The following CLDN10 variants were observed in gnomAD, a reference collection of about 807,000 sequenced individuals.
CLDN10 encodes claudin-10.
CLDN10 carries 15 observed loss-of-function variants against 22.9 expected under a neutral mutation model. That is an observed-to-expected ratio of 0.65 (90% confidence interval 0.44 to 1.01). The LOEUF is 1.01. CLDN10 is among the 50% of genes least tolerant of loss of function. CLDN10 has a pLI of 0.00. For synonymous variants in CLDN10, 114 were observed against 111.4 expected (o/e 1.02, Z -0.15); for missense variants, 247 against 287.8 (o/e 0.86, Z 1.03).
chr13:95,531,238 C>T (rs1345505740), intron 1 of CLDN10, among the ~76,000 whole-genome samples: 1 of 152,044 alleles, frequency 6.6e-6, no homozygotes, highest in African/African-American at 2.4e-5. Flanking sequence ...TCTTAAATAA[C>T]AAAATATGGT....
chr13:95,517,025 C>G (rs544927668), intron 1 of CLDN10, among the ~76,000 whole-genome samples: 1 of 138,924 alleles, frequency 7.2e-6, no homozygotes, highest in Non-Finnish European at 1.6e-5. Flanking sequence ...CTTCCTTCCT[C>G]CCTCCCTCTC....
At chr13:95,443,059 A>C (rs2042339842) in intron 1 of CLDN10, among the ~76,000 whole-genome samples, 1 of 152,208 alleles carries the variant, frequency 6.6e-6, no homozygotes, top group Admixed American at 6.5e-5. Context: ...CAGAAGACTG[A>C]TACTCTAAAG....
At chr13:95,545,699 C>T (rs1448852696) in intron 1 of CLDN10, among the ~76,000 whole-genome samples, 1 of 152,024 alleles carries the variant, frequency 6.6e-6, no homozygotes, top group Non-Finnish European at 1.5e-5. Flanking sequence ...TTTTTTATGG[C>T]TATTTAAAAA....
intron 1 of CLDN10, among the ~76,000 whole-genome samples, chr13:95,476,842 GCCAGGTCT>G (rs1053232391): frequency 2.6e-5 from 4 of 152,158 alleles, no homozygotes; most frequent in African/African-American, 9.7e-5. Context: ...TAGTGGCAGA[GCCAGGTCT>G]CCAAGTTCAG....
At chr13:95,548,554 T>C (rs906216041), upstream of CLDN10, among the ~76,000 whole-genome samples, 1 of 152,228 alleles carries the variant, frequency 6.6e-6, no homozygotes, top group African/African-American at 2.4e-5. Context: ...ATTCTGTAAC[T>C]ATTCCTATCA....
At chr13:95,562,490 T>C (rs2043728321) in intron 3 of CLDN10, among the ~76,000 whole-genome samples, 1 of 152,346 alleles carries the variant, frequency 6.6e-6, no homozygotes, top group Middle Eastern at 3.4e-3. Context: ...CTGCCTATAA[T>C]ACAAAAACAT....
intron 1 of CLDN10, among the ~76,000 whole-genome samples, chr13:95,446,901 G>A (rs2042386156): frequency 6.6e-6 from 1 of 152,020 alleles, no homozygotes; most frequent in Admixed American, 6.6e-5. Context: ...ATCTCTAATT[G>A]ATATCTGGAA....
At chr13:95,464,370 C>T (rs968490015) in intron 1 of CLDN10, among the ~76,000 whole-genome samples, 4 of 151,962 alleles carry the variant, frequency 2.6e-5, no homozygotes, top group Non-Finnish European at 5.9e-5. Context: ...TTTGTCCTTG[C>T]GATAGTTTGC....
At chr13:95,570,845 C>A (rs1264560760) in intron 3 of CLDN10, among the ~76,000 whole-genome samples, 1 of 84,794 alleles carries the variant, frequency 1.2e-5, no homozygotes, top group East Asian at 3.1e-4. Context: ...CACACACACA[C>A]ACATATACGT....
At chr13:95,474,175 G>A (rs1485345680) in intron 1 of CLDN10, among the ~76,000 whole-genome samples, 1 of 152,172 alleles carries the variant, frequency 6.6e-6, no homozygotes, top group Non-Finnish European at 1.5e-5. Flanking sequence ...CCCATCTGGG[G>A]GTGATGGGAG....
chr13:95,486,894 A>G (rs536383982), intron 1 of CLDN10, among the ~76,000 whole-genome samples: 1 of 152,306 alleles, frequency 6.6e-6, no homozygotes, highest in African/African-American at 2.4e-5. Context: ...TCAATCAATG[A>G]GTTGCACATG....
chr13:95,520,168 C>T (rs755253943), intron 1 of CLDN10, among the ~76,000 whole-genome samples: 2 of 152,110 alleles, frequency 1.3e-5, no homozygotes, highest in Non-Finnish European at 2.9e-5. Flanking sequence ...GAACTAATAC[C>T]AGATTAATCT....
At chr13:95,455,002 C>T (rs1038216670) in intron 1 of CLDN10, among the ~76,000 whole-genome samples, 1 of 151,992 alleles carries the variant, frequency 6.6e-6, no homozygotes, top group Non-Finnish European at 1.5e-5. Flanking sequence ...GCCTGGGCAA[C>T]GTAGTGAGAC....
At chr13:95,453,771 G>A (rs1326735730) in intron 1 of CLDN10, among the ~76,000 whole-genome samples, 1 of 151,948 alleles carries the variant, frequency 6.6e-6, no homozygotes, top group Non-Finnish European at 1.5e-5. Context: ...AAGGTCCATA[G>A]GCATGGCTGT....
chr13:95,445,301 T>C (rs1286667662), intron 1 of CLDN10, among the ~76,000 whole-genome samples: 1 of 152,072 alleles, frequency 6.6e-6, no homozygotes, highest in East Asian at 1.9e-4. Context: ...GCTGCAGACG[T>C]CGATAACAAA....
chr13:95,445,805 G>A (rs956382276), intron 1 of CLDN10, among the ~76,000 whole-genome samples: 1 of 152,148 alleles, frequency 6.6e-6, no homozygotes, highest in African/African-American at 2.4e-5. Context: ...AAATGTGACA[G>A]CTACAAAGAT....
intron 1 of CLDN10, among the ~76,000 whole-genome samples, chr13:95,506,401 C>T (rs2043039117): frequency 6.6e-6 from 1 of 152,190 alleles, no homozygotes; most frequent in African/African-American, 2.4e-5. Flanking sequence ...ATGTGTAATT[C>T]CGCCCTTGAA....
At chr13:95,499,763 T>C (rs1006790301) in intron 1 of CLDN10, among the ~76,000 whole-genome samples, 1 of 152,116 alleles carries the variant, frequency 6.6e-6, no homozygotes, top group Non-Finnish European at 1.5e-5. Flanking sequence ...ACCCAGGCAC[T>C]GACAAAGCAA....
intron 1 of CLDN10, among the ~76,000 whole-genome samples, chr13:95,457,484 G>T (rs2042493477): frequency 6.6e-6 from 1 of 152,050 alleles, no homozygotes; most frequent in African/African-American, 2.4e-5. Context: ...GAGCAGTTGT[G>T]GTTATCTGTT....
Sources: allele counts gnomAD v4.1 joint callset (sites outside exome capture counted in the v4.1 genomes callset), GRCh38; gene constraint gnomAD v4.1.1; transcripts MANE v1.5; gene names NCBI Gene and HGNC (gene_info 2026-07-23, HGNC 2026-07-21).